The following SLX4 variants were observed in gnomAD, a reference collection of about 807,000 sequenced individuals.
SLX4 encodes the protein structure-specific endonuclease subunit SLX4.
In SLX4, 112 loss-of-function variants were observed where a neutral mutation model predicts 146.2. That is an observed-to-expected ratio of 0.77 (90% confidence interval 0.66 to 0.90). SLX4 has a LOEUF of 0.90. SLX4 is among the 40% of genes least tolerant of loss of function. The pLI, the probability that SLX4 is intolerant of heterozygous loss-of-function variation, is 0.00. For missense variants in SLX4, 2,563 were observed against 2,392.7 expected (o/e 1.07, Z -1.49); for synonymous variants, 1,061 against 997.7 (o/e 1.06, Z -1.20).
Position 3,582,379 on chromosome 16 carries a change from C to T in SLX4, c.5468G>A (p.Arg1823Gln), listed in dbSNP as rs372767321. 1.5e-5 allele frequency: 24 copies of T among 1,613,570 alleles called. No individual in the cohort carries two copies. Among genetic ancestry groups the T allele is most frequent in the East Asian group, 4.5e-5 (2 of 44,880 alleles). ...TRREKLQGRR[R>Q]QPRGKKKVER... is the part of the protein sequence containing the mutation. ...CACCTTCTTCTTGCCCCGAGGCTGC[C>T]GCCTCCTGCCCTGGAGCTTCTCCCT... Residue 1823 changes from arginine to glutamine, a missense_variant, in exon 15 of 15, where the codon CGG (arginine) becomes CAG (glutamine). By Grantham distance (43) the Arg-to-Gln change is conservative. Transcript: ENST00000294008.
intron 4 of SLX4, 67 bp from the exon 5 acceptor site, chr16:3,601,258 T>TC: frequency 6.5e-7 from 1 of 1,543,032 alleles, no homozygotes; most frequent in Non-Finnish European, 8.9e-7. Context: ...CAAATGTGGG[T>TC]CCAGGTCAAC....
chr16:3,602,405 G>A, intron 3 of SLX4, 98 bp from the exon 4 acceptor site: 8 of 1,446,988 alleles, frequency 5.5e-6, no homozygotes, highest in Non-Finnish European at 7.7e-6. Context: ...TGGGGAGCAG[G>A]TGGAACGCAA....
At position 3,608,556 on chromosome 16, in the gene SLX4, C is replaced by T. The variant is rs2151139263; in HGVS notation, c.409G>A (p.Val137Met). 1 of 1,614,232 alleles carries T rather than the reference C, an allele frequency of 6.2e-7. No homozygotes were observed. Among genetic ancestry groups the T allele is most frequent in the Non-Finnish European group, 8.5e-7 (1 of 1,180,046 alleles). Residue 137 changes from valine to methionine, a missense_variant, in exon 2 of 15, where the codon GTG (valine) becomes ATG (methionine). By Grantham distance (21) the Val-to-Met change is conservative. Transcript: ENST00000294008. The part of the protein sequence containing the change: ...KWQASEPAHS[V>M]NGEGGVLASA... Reference sequence around the variant, plus strand: ...GCAAGCACACCCCCCTCCCCATTCACAGAGTGGGCCGGTTCACTTGCTTGC... The same window carrying T: ...GCAAGCACACCCCCCTCCCCATTCATAGAGTGGGCCGGTTCACTTGCTTGC...
In SLX4 at chr16:3,588,768, C is replaced by T. The variant is rs181741746; in HGVS notation, c.4636+234G>A. Among the ~76,000 whole-genome samples, 27 of 152,238 alleles carry T rather than the reference C, an allele frequency of 1.8e-4. No homozygotes were observed. In the East Asian group the frequency reaches 4.2e-3, roughly 24 times the overall value. On this transcript the variant is annotated intron_variant, in intron 12 of 14. Transcript: ENST00000294008. ...TTTTTAACACATGCCCAGGTGAGCACTGGAGCCAGGCAAGTTTGGGAAACA... is the reference window on the plus strand; with the variant it reads ...TTTTTAACACATGCCCAGGTGAGCATTGGAGCCAGGCAAGTTTGGGAAACA...
intron 3 of SLX4, among the ~76,000 whole-genome samples, chr16:3,603,290 G>A (rs1400536188): frequency 6.6e-6 from 1 of 152,204 alleles, no homozygotes; most frequent in Non-Finnish European, 1.5e-5. Context: ...TGATCTGCCC[G>A]CCTTGGCCTC....
intron 1 of SLX4, among the ~76,000 whole-genome samples, chr16:3,610,940 G>A (rs1596536645): frequency 6.6e-6 from 1 of 152,198 alleles, no homozygotes; most frequent in African/African-American, 2.4e-5. Flanking sequence ...GTTGGATGCG[G>A]GGAGCGGCTG....
At chr16:3,582,763 A>C in intron 14 of SLX4, 70 bp from the exon 15 acceptor site, 1 of 1,405,604 alleles carries the variant, frequency 7.1e-7, no homozygotes, top group Non-Finnish European at 9.8e-7. Context: ...GAGCCTCTTT[A>C]AAGGAAGGAA....
At position 3,597,342 on chromosome 16, in the gene SLX4, C is replaced by G. The variant is rs768879506; in HGVS notation, c.1683+37G>C. On this transcript the variant is annotated intron_variant, in intron 7 of 14. Coordinates refer to ENST00000294008, the MANE Select transcript of SLX4 (RefSeq NM_032444.4). This position sits in a 1 kb window ranked among gnomAD's most constrained non-coding sequence, Gnocchi z 4.4. The stretch of plus-strand genomic sequence containing the variant: ...CAGTTCTGGGATTGCCAACCTCCCC[C>G]AAAAGCCTATCCATGTGCCTGAGGG... The G allele has an allele frequency of 2.0e-4, 302 of 1,487,480 alleles. No homozygotes were observed. The highest frequency in any genetic ancestry group is 2.8e-4 in the Admixed American group (12 of 43,056). The allele number at this position is 1,487,480 out of a possible 1,614,324, so 92.1% of individuals were successfully genotyped here. A position where few individuals can be genotyped will look rare whatever the true frequency, so the allele number is the denominator to read the frequency against.
Position 3,606,574 on chromosome 16 carries a change from G to T in SLX4, c.660C>A (p.Asp220Glu), listed in dbSNP as rs767206967. The T allele has an allele frequency of 1.2e-6, 2 of 1,614,190 alleles. No homozygotes were observed. The highest frequency in any genetic ancestry group is 1.7e-6 in the Non-Finnish European group (2 of 1,180,042). ...CTGAAGCGTGTCTCAAACGCTCGGG[G>T]TCTGCTCTCTTGAACTGCTGCATTC... ...LQRMQQFKRA[D>E]PERLRHASEE... The change falls in exon 3 of 15, where the codon GAC becomes GAA. Residue 220 changes from aspartate (D) to glutamate (E), a missense_variant. By Grantham distance (45) the Asp-to-Glu change is conservative (BLOSUM62 2). Coordinates refer to ENST00000294008, the MANE Select transcript of SLX4 (RefSeq NM_032444.4).
chr16:3,604,710 T>A (rs552817377), intron 3 of SLX4, among the ~76,000 whole-genome samples: 8 of 151,128 alleles, frequency 5.3e-5, no homozygotes, highest in African/African-American at 7.3e-5. Context: ...AGTCCCAGCT[T>A]CCTGGAAGCT....
rs762711558 is a variant in SLX4 at position 3,608,479 on chromosome 16, C to T, written c.486G>A (p.Thr162=). ...TTGGCGATGGTTCTTGCTGGTTACC[C>T]GTCTGGGTGTTTTGTGCTGTTTCCC... The part of the protein sequence containing the change: ...VLRETAQNTQ[T]GNQQEPSPNL... Residue 162 remains threonine (T), a synonymous_variant, in exon 2 of 15, where the codon ACG becomes ACA. Transcript: ENST00000294008. The T allele has an allele frequency of 5.6e-6, 9 of 1,614,172 alleles. No homozygotes were observed. Among genetic ancestry groups the T allele is most frequent in the South Asian group, 5.5e-5 (5 of 91,080 alleles).
chr16:3,609,322 C>T lies in SLX4; in HGVS notation c.-358G>A, dbSNP rs1596534850. On this transcript the variant is annotated 5_prime_UTR_variant, in exon 2 of 15. Coordinates refer to ENST00000294008, the MANE Select transcript of SLX4 (RefSeq NM_032444.4). ...ACTCGGGAGGCAGAGGCAAGAGAATCGCTTGAACCTGGGAGGCGGAGATTG... is the reference window on the plus strand; with the variant it reads ...ACTCGGGAGGCAGAGGCAAGAGAATTGCTTGAACCTGGGAGGCGGAGATTG... 2 of 256,184 alleles carry T rather than the reference C, an allele frequency of 7.8e-6. No individual in the cohort carries two copies. Among genetic ancestry groups the T allele is most frequent in the East Asian group, 7.6e-5 (1 of 13,144 alleles). 15.9% of individuals were successfully genotyped at this position (256,184 alleles called of 1,614,324 possible).
chr16:3,589,298 C>A lies in SLX4; in HGVS notation c.4340G>T (p.Gly1447Val). The stretch of plus-strand genomic sequence containing the variant: ...GCTGGGGCTGCTGGTGCTCAGGGGG[C>A]CGGTCCGCTCCAGGTTCCAGTGGTC... ...PIDHWNLERT[G>V]PLSTSSPSRR... Residue 1447 changes from glycine to valine, a missense_variant, in exon 12 of 15, where the codon GGC (glycine) becomes GTC (valine). Gly to Val is a moderately radical substitution (Grantham distance 109). Coordinates refer to ENST00000294008, the MANE Select transcript of SLX4 (RefSeq NM_032444.4). The surrounding 1 kb of genome is among the most constrained non-coding windows in gnomAD (Gnocchi z 6.2). The A allele has an allele frequency of 6.3e-7, 1 of 1,583,896 alleles. No homozygotes were observed. Among genetic ancestry groups the A allele is most frequent in the Non-Finnish European group, 8.6e-7 (1 of 1,164,038 alleles).
At chr16:3,592,921 CAAAGCAGACG>C in intron 10 of SLX4, 56 bp from the exon 11 acceptor site, 1 of 1,556,728 alleles carries the variant, frequency 6.4e-7, no homozygotes, top group Admixed American at 1.8e-5. Flanking sequence ...TAACTTGGAG[CAAAGCAGACG>C]GTCTGGGGTG....
Position 3,608,818 on chromosome 16 carries a change from C to T in SLX4, c.147G>A (p.Glu49=). The part of the protein sequence containing the change: ...KTGQMMDESD[E]DFKELCASFF... ...AGCTAGCGCAGAGTTCTTTAAAGTC[C>T]TCATCAGACTCATCCATCATCTGAC... is the stretch of plus-strand genomic sequence containing the variant. The change falls in exon 2 of 15, where the codon GAG becomes GAA. Residue 49 remains glutamate, a synonymous_variant. Coordinates refer to ENST00000294008, the MANE Select transcript of SLX4 (RefSeq NM_032444.4). The T allele has an allele frequency of 1.9e-6, 3 of 1,614,094 alleles. No homozygotes were observed. The highest frequency in any genetic ancestry group is 2.5e-6 in the Non-Finnish European group (3 of 1,180,036).
At chr16:3,599,455 G>C (rs2040703173) in intron 5 of SLX4, among the ~76,000 whole-genome samples, 1 of 152,254 alleles carries the variant, frequency 6.6e-6, no homozygotes, top group Non-Finnish European at 1.5e-5. Flanking sequence ...CACTTGTGTG[G>C]CTGTGGTTTG....
Position 3,589,150 on chromosome 16 carries a change from G to T in SLX4, c.4488C>A (p.Gly1496=). 6.2e-7 allele frequency: 1 copy of T among 1,614,106 alleles called. No individual in the cohort carries two copies. The highest frequency in any genetic ancestry group is 8.5e-7 in the Non-Finnish European group (1 of 1,179,990). The stretch of plus-strand genomic sequence containing the variant: ...AGCTCGGCCTGCTATTCCCCAGGGA[G>T]CCCGCGCCCGAGGACTTCTCTTGCA... ...RKLQEKSSGA[G]SLGNSRPSFL... The change falls in exon 12 of 15, where the codon GGC becomes GGA. Residue 1496 remains glycine, a synonymous_variant. Transcript: ENST00000294008. This position sits in a 1 kb window ranked among gnomAD's most constrained non-coding sequence, Gnocchi z 6.2.
At chr16:3,596,015 C>G in intron 8 of SLX4, 138 bp downstream of exon 8, 1 of 1,322,828 alleles carries the variant, frequency 7.6e-7, no homozygotes, top group Non-Finnish European at 1.0e-6. Flanking sequence ...AATGAAAGCG[C>G]CCAGAGGCTG....
In SLX4 at chr16:3,608,475, TACC is replaced by T; in HGVS notation, c.487_489del (p.Gly163del). The T allele has an allele frequency of 6.2e-7, 1 of 1,614,230 alleles. No homozygotes were observed. Among genetic ancestry groups the T allele is most frequent in the Admixed American group, 1.7e-5 (1 of 60,028 alleles). On this transcript the variant is annotated inframe_deletion, in exon 2 of 15. Coordinates refer to ENST00000294008, the MANE Select transcript of SLX4 (RefSeq NM_032444.4). ...AGGTTTGGCGATGGTTCTTGCTGGT[TACC>T]CGTCTGGGTGTTTTGTGCTGTTTCC...
Sources: gnomAD v4.1 joint callset for allele counts (sites outside exome capture counted in the v4.1 genomes callset) on GRCh38, gnomAD v4.1.1 for gene constraint, Gnocchi (gnomAD v3.1) non-coding constraint, MANE v1.5 for transcripts, NCBI Gene and HGNC (gene_info 2026-07-23, HGNC 2026-07-21) for gene names.